RABGAP1L: variants seen among roughly 807,000 people sequenced by gnomAD.
RABGAP1L encodes RAB GTPase activating protein 1 like, also known as rab GTPase-activating protein 1-like.
Under a neutral mutation model 137.7 loss-of-function variants are expected in RABGAP1L, and 63 were observed. That is an observed-to-expected ratio of 0.46 (90% CI 0.37 to 0.56). The LOEUF (loss-of-function observed/expected upper bound fraction) is 0.56. RABGAP1L is among the 20% of genes least tolerant of loss of function. The probability of loss-of-function intolerance (pLI) is 0.00; values close to 1 mark genes in which losing one functional copy is unlikely to be tolerated. For missense variants in RABGAP1L, 1,095 were observed against 1,244.0 expected, an observed-to-expected ratio of 0.88 and a Z score of 1.80; for synonymous variants, 431 against 433.7, an observed-to-expected ratio of 0.99 and a Z score of 0.08.
chr1:174,340,164 T>C (rs1290167300), intron 11 of RABGAP1L, among the ~76,000 whole-genome samples: 1 of 152,238 alleles, frequency 6.6e-6, no homozygotes, highest in East Asian at 1.9e-4. Context: ...ACATTATTAA[T>C]GTAAAGAGAC....
chr1:174,340,062 T>A (rs1681836419), intron 11 of RABGAP1L, among the ~76,000 whole-genome samples: 1 of 152,228 alleles, frequency 6.6e-6, no homozygotes, highest in Non-Finnish European at 1.5e-5. Flanking sequence ...TTAGTTTTTC[T>A]TGGTGACCTC....
At chr1:174,791,284 A>AT in intron 18 of RABGAP1L, among the ~76,000 whole-genome samples, 1 of 152,336 alleles carries the variant, frequency 6.6e-6, no homozygotes, top group East Asian at 1.9e-4. Context: ...GTTGGCCCAT[A>AT]TAACTCCTCC....
At chr1:174,826,730 G>A (rs553837000) in intron 19 of RABGAP1L, among the ~76,000 whole-genome samples, 10 of 152,248 alleles carry the variant, frequency 6.6e-5, no homozygotes, top group African/African-American at 1.9e-4. Flanking sequence ...TCTGTTCACC[G>A]CAGTGGCTAG....
intron 21 of RABGAP1L, among the ~76,000 whole-genome samples, chr1:174,973,127 A>G (rs1670294494): frequency 6.6e-6 from 1 of 152,132 alleles, no homozygotes; most frequent in African/African-American, 2.4e-5. Flanking sequence ...TGTTTAACAT[A>G]AGAGGAGAAA....
chr1:174,247,638 C>T (rs2015075), intron 5 of RABGAP1L, among the ~76,000 whole-genome samples: 13,629 of 152,254 alleles, frequency 0.09, 828 homozygotes, highest in East Asian at 0.22. Context: ...AACATGGCTG[C>T]CCACACATAT....
rs550394238 is a variant in RABGAP1L at position 174,191,600 on chromosome 1, T to C, written c.-33-27525T>C. 2.4e-4 allele frequency among the ~76,000 whole-genome samples: 36 copies of C among 152,326 alleles called. No homozygotes were observed. The South Asian group carries it at 5.8e-3, about 25-fold the overall frequency. On this transcript the variant is annotated intron_variant, in intron 1 of 25. Transcript: ENST00000681986. ...CCATACTTTTTTTGGGAGGGGATCA[T>C]ATAGTAGCTGCTAATTAAACATTTA...
chr1:174,799,911 C>T lies in RABGAP1L; in HGVS notation c.2212-11921C>T, dbSNP rs546640733. 1.7e-3 allele frequency: 1,643 copies of T among 989,378 alleles called. 4 individuals are homozygous for T. The highest frequency in any genetic ancestry group is 1.9e-3 in the Non-Finnish European group (1,551 of 833,964). 61.3% of individuals were successfully genotyped at this position (989,378 alleles called of 1,614,324 possible). A position where few individuals can be genotyped will look rare whatever the true frequency, so the allele number is the denominator to read the frequency against. ...GCTGCTGTCTTCTCACACATAGACA[C>T]GCACACACACCCTTTCTCGCACACA... On this transcript the variant is annotated intron_variant, in intron 18 of 25. Transcript: ENST00000681986.
At chr1:174,603,455 C>T (rs188835075) in intron 13 of RABGAP1L, among the ~76,000 whole-genome samples, 29 of 152,204 alleles carry the variant, frequency 1.9e-4, no homozygotes, top group Admixed American at 9.2e-4. Context: ...CGACCACTGC[C>T]TGGTAATTGC....
At chr1:174,609,872 C>A (rs1292995223) in intron 13 of RABGAP1L, among the ~76,000 whole-genome samples, 1 of 151,918 alleles carries the variant, frequency 6.6e-6, no homozygotes, top group Non-Finnish European at 1.5e-5. Context: ...GAGCAAACCC[C>A]AAACAGTTTT....
intron 13 of RABGAP1L, among the ~76,000 whole-genome samples, chr1:174,470,560 AG>A (rs1205843259): frequency 6.6e-5 from 10 of 152,142 alleles, no homozygotes; most frequent in Non-Finnish European, 1.5e-4. Flanking sequence ...TGAGGTCAGG[AG>A]TTCGAGACCA....
At position 174,830,932 on chromosome 1, in the gene RABGAP1L, A is replaced by C. The variant is rs1692050386; in HGVS notation, c.2340+18972A>C. ...ATACTCTGATTACAAGGAGCATCTA[A>C]CCTATGATACTGATTCTATCATACA... is the stretch of plus-strand genomic sequence containing the variant. On this transcript the variant is annotated intron_variant, in intron 19 of 25. Coordinates refer to ENST00000681986, the MANE Select transcript of RABGAP1L (RefSeq NM_001366446.1). Among the ~76,000 whole-genome samples, 2 of 148,196 alleles carry C rather than the reference A, an allele frequency of 1.3e-5. 1 individual carries two copies. The highest frequency in any genetic ancestry group is 4.4e-4 in the South Asian group (2 of 4,522).
chr1:174,464,991 C>A (rs1369346808), intron 13 of RABGAP1L, among the ~76,000 whole-genome samples: 1 of 151,898 alleles, frequency 6.6e-6, no homozygotes, highest in Non-Finnish European at 1.5e-5. Flanking sequence ...TTAATGAGCC[C>A]CAAAATCTTC....
chr1:174,779,463 C>G (rs2148757014), intron 18 of RABGAP1L, among the ~76,000 whole-genome samples: 1 of 152,228 alleles, frequency 6.6e-6, no homozygotes, highest in Non-Finnish European at 1.5e-5. Context: ...CTGTTTATCC[C>G]CTAGGAGAGC....
intron 13 of RABGAP1L, among the ~76,000 whole-genome samples, chr1:174,444,094 G>A (rs986683600): frequency 6.6e-6 from 1 of 151,804 alleles, no homozygotes; most frequent in Non-Finnish European, 1.5e-5. Flanking sequence ...TAGTGTATTT[G>A]GAGTCAGGTA....
At chr1:174,571,811 G>A (rs184039833) in intron 13 of RABGAP1L, among the ~76,000 whole-genome samples, 151 of 152,162 alleles carry the variant, frequency 9.9e-4, no homozygotes, top group Admixed American at 8.6e-3. Flanking sequence ...TGTAGTTTCC[G>A]TGCTGGGAAC....
intron 17 of RABGAP1L, among the ~76,000 whole-genome samples, chr1:174,721,536 T>G (rs1321797353): frequency 6.6e-6 from 1 of 152,210 alleles, no homozygotes; most frequent in Non-Finnish European, 1.5e-5. Context: ...ATGCATATTT[T>G]AATAACTAAA....
intron 13 of RABGAP1L, among the ~76,000 whole-genome samples, chr1:174,632,967 C>G (rs1000289310): frequency 6.6e-6 from 1 of 152,100 alleles, no homozygotes; most frequent in Admixed American, 6.6e-5. Flanking sequence ...AGGAGAGGCG[C>G]TCTGCGTTTT....
At chr1:174,615,088 A>G (rs1002680983) in intron 13 of RABGAP1L, among the ~76,000 whole-genome samples, 2 of 152,296 alleles carry the variant, frequency 1.3e-5, no homozygotes, top group African/African-American at 2.4e-5. Flanking sequence ...CGTCAAAGTC[A>G]TTCTCCATCC....
At chr1:174,883,808 T>G (rs916645530) in intron 19 of RABGAP1L, among the ~76,000 whole-genome samples, 1 of 152,144 alleles carries the variant, frequency 6.6e-6, no homozygotes, top group African/African-American at 2.4e-5. Flanking sequence ...TAGAGATTAG[T>G]CTACACATGT....
Sources: allele counts gnomAD v4.1 joint callset (sites outside exome capture counted in the v4.1 genomes callset), GRCh38; gene constraint gnomAD v4.1.1; transcripts MANE v1.5; gene names NCBI Gene and HGNC (gene_info 2026-07-23, HGNC 2026-07-21).